LTBP1: variants seen among roughly 807,000 people sequenced by gnomAD.
LTBP1 encodes latent-transforming growth factor beta-binding protein 1.
LTBP1 carries 129 observed loss-of-function variants against 207.6 expected under a neutral mutation model. That is an observed-to-expected ratio of 0.62 (90% CI 0.54 to 0.72). The LOEUF (loss-of-function observed/expected upper bound fraction) is 0.72, where lower values mean the gene tolerates loss of function less well. Ranked by LOEUF, LTBP1 falls within the 30% of genes least tolerant of loss-of-function variation. LTBP1 has a pLI of 0.00. For synonymous variants in LTBP1, 963 were observed against 833.7 expected (o/e 1.16, Z -2.67); for missense variants, 2,281 against 2,217.2 (o/e 1.03, Z -0.58).
chr2:33,291,295 C>G (rs1472714263), intron 19 of LTBP1, among the ~76,000 whole-genome samples: 5 of 152,150 alleles, frequency 3.3e-5, no homozygotes, highest in African/African-American at 1.2e-4. Flanking sequence ...AAAGTATGGT[C>G]TTAGAAATTG....
intron 2 of LTBP1, among the ~76,000 whole-genome samples, chr2:33,019,558 C>T (rs1413302472): frequency 6.6e-6 from 1 of 151,960 alleles, no homozygotes; most frequent in Non-Finnish European, 1.5e-5. Flanking sequence ...TGGTCTCGAA[C>T]TCCTGACCTC....
At chr2:33,373,692 T>C (rs2150250052) in intron 31 of LTBP1, among the ~76,000 whole-genome samples, 1 of 152,310 alleles carries the variant, frequency 6.6e-6, no homozygotes, top group East Asian at 1.9e-4. Flanking sequence ...CTAAATTATT[T>C]ATAACTTACC....
At chr2:33,003,623 C>G (rs1401683506) in intron 2 of LTBP1, among the ~76,000 whole-genome samples, 1 of 152,150 alleles carries the variant, frequency 6.6e-6, no homozygotes, top group African/African-American at 2.4e-5. Context: ...AAAGAAGTCA[C>G]AGGCAGGGTG....
intron 3 of LTBP1, among the ~76,000 whole-genome samples, chr2:33,048,461 T>G (rs967032353): frequency 6.6e-6 from 1 of 152,252 alleles, no homozygotes; most frequent in East Asian, 1.9e-4. Context: ...GGCACATTGA[T>G]GCCTAATAGC....
At chr2:33,088,132 G>A (rs1055202149) in intron 3 of LTBP1, among the ~76,000 whole-genome samples, 1 of 152,200 alleles carries the variant, frequency 6.6e-6, no homozygotes, top group African/African-American at 2.4e-5. Context: ...TTATGGCATG[G>A]AATAATGCCA....
At position 33,131,129 on chromosome 2, in the gene LTBP1, C is replaced by T. The variant is rs114339041; in HGVS notation, c.1034-3664C>T. 5.0e-3 allele frequency among the ~76,000 whole-genome samples: 768 copies of T among 152,220 alleles called. 2 individuals are homozygous for T. Among genetic ancestry groups the T allele is most frequent in the Non-Finnish European group, 7.4e-3 (503 of 68,018 alleles). The stretch of plus-strand genomic sequence containing the variant: ...GTGAGTCTTGGATCTCTGTGGGATC[C>T]GACAGTCACCCTTGCCCCATGCTTC... On this transcript the variant is annotated intron_variant, in intron 4 of 33. Coordinates refer to ENST00000404816, the MANE Select transcript of LTBP1 (RefSeq NM_206943.4).
intron 2 of LTBP1, among the ~76,000 whole-genome samples, chr2:32,985,551 C>G (rs770190044): frequency 6.6e-6 from 1 of 152,186 alleles, no homozygotes; most frequent in Non-Finnish European, 1.5e-5. Flanking sequence ...ACAATGAGCC[C>G]TCTGACCTGG....
intron 31 of LTBP1, among the ~76,000 whole-genome samples, chr2:33,385,553 A>T (rs1031831419): frequency 6.6e-6 from 1 of 152,192 alleles, no homozygotes; most frequent in Admixed American, 6.5e-5. Flanking sequence ...AGTAACACAG[A>T]TGTAGTCAAA....
chr2:33,336,947 A>C (rs1469477489), intron 24 of LTBP1, among the ~76,000 whole-genome samples: 1 of 152,206 alleles, frequency 6.6e-6, no homozygotes, highest in Non-Finnish European at 1.5e-5. Flanking sequence ...TCTGCATGTA[A>C]TACAAGACAC....
rs912124954 is a variant in LTBP1 at position 33,282,909 on chromosome 2, A to G, written c.3112+2751A>G. On this transcript the variant is annotated intron_variant, in intron 19 of 33. Transcript: ENST00000404816. ...GAAACCCTGTCTCTACTAAAAATAC[A>G]AAAATTAGCTGGGTGTGGTGGCACG... Among the ~76,000 whole-genome samples, 4 of 152,118 alleles carry G rather than the reference A, an allele frequency of 2.6e-5. No individual in the cohort carries two copies. In the South Asian group the frequency reaches 8.3e-4, roughly 32 times the overall value.
intron 2 of LTBP1, among the ~76,000 whole-genome samples, chr2:32,976,141 T>A (rs72791704): frequency 0.11 from 16,496 of 152,248 alleles, 1,040 homozygotes; most frequent in Non-Finnish European, 0.14. Flanking sequence ...TTCAGTTGAC[T>A]AGGTTCAGTT....
At chr2:33,324,012 C>A in intron 24 of LTBP1, among the ~76,000 whole-genome samples, 1 of 152,114 alleles carries the variant, frequency 6.6e-6, no homozygotes, top group East Asian at 1.9e-4. Flanking sequence ...ATAATAATAG[C>A]ACCTACATGG....
chr2:32,962,584 GA>G (rs1679301037), intron 2 of LTBP1, among the ~76,000 whole-genome samples: 1 of 152,214 alleles, frequency 6.6e-6, no homozygotes, highest in Non-Finnish European at 1.5e-5. Flanking sequence ...TTAAATCAAT[GA>G]ATACTGAGAT....
intron 26 of LTBP1, among the ~76,000 whole-genome samples, chr2:33,355,558 C>T (rs946266613): frequency 1.3e-5 from 2 of 151,916 alleles, no homozygotes; most frequent in African/African-American, 2.4e-5. Context: ...TGATTGAATT[C>T]ACAGATGTGA....
chr2:33,346,307 T>G (rs2094700318), intron 25 of LTBP1, among the ~76,000 whole-genome samples: 1 of 152,206 alleles, frequency 6.6e-6, no homozygotes, highest in South Asian at 2.1e-4. Flanking sequence ...TTTTCAGATA[T>G]TTAAGTATAT....
intron 31 of LTBP1, among the ~76,000 whole-genome samples, chr2:33,381,256 A>G (rs572271225): frequency 4.5e-4 from 69 of 152,358 alleles, no homozygotes; most frequent in African/African-American, 1.6e-3. Context: ...TTACAGTAGT[A>G]TAAATGTTTG....
Position 33,149,255 on chromosome 2 carries a change from AG to A in LTBP1, c.1201+14296del, listed in dbSNP as rs2083324080. Among the ~76,000 whole-genome samples, 44 of 147,434 alleles carry A rather than the reference AG, an allele frequency of 3.0e-4. 1 individual carries two copies. The highest frequency in any genetic ancestry group is 2.0e-3 in the Admixed American group (27 of 13,682). On this transcript the variant is annotated intron_variant, in intron 5 of 33. Coordinates refer to ENST00000404816, the MANE Select transcript of LTBP1 (RefSeq NM_206943.4). ...AAAAAAAAAAAAAAAAAAAAAAAAAAGAGAGGGAGCTCCCATGGCAGGTAAT... is the reference window on the plus strand; with the variant it reads ...AAAAAAAAAAAAAAAAAAAAAAAAAAAGAGGGAGCTCCCATGGCAGGTAAT...
intron 5 of LTBP1, among the ~76,000 whole-genome samples, chr2:33,179,057 TTGC>T (rs75298910): frequency 0.43 from 64,907 of 151,712 alleles, 14,713 homozygotes; most frequent in Non-Finnish European, 0.5. Context: ...ATGCTTTTAT[TTGC>T]TGTTTTTAAA....
chr2:33,389,060 C>G lies in LTBP1; in HGVS notation c.4712-124C>G. On this transcript the variant is annotated intron_variant, in intron 31 of 33. Transcript: ENST00000404816. ...CAGACACTTTCCAGGCTCAGTGGTA[C>G]GCAGGAGATGGAGACACACGTGGAA... 17 of 1,338,150 alleles carry G rather than the reference C, an allele frequency of 1.3e-5. No individual in the cohort carries two copies. The South Asian group carries it at 2.3e-4, about 18-fold the overall frequency. The allele number at this position is 1,338,150 out of a possible 1,614,324, so 82.9% of individuals were successfully genotyped here.
Sources: allele counts gnomAD v4.1 joint callset (sites outside exome capture counted in the v4.1 genomes callset), GRCh38; gene constraint gnomAD v4.1.1; transcripts MANE v1.5; gene names NCBI Gene and HGNC (gene_info 2026-07-23, HGNC 2026-07-21).